ZBTB7C: variants seen among roughly 807,000 people sequenced by gnomAD.
ZBTB7C encodes the protein zinc finger and BTB domain containing 7C, also known as zinc finger and BTB domain-containing protein 7C.
ZBTB7C carries 8 observed loss-of-function variants against 25.7 expected under a neutral mutation model. The observed-to-expected ratio is 0.31, with a 90% CI of 0.18 to 0.56. The LOEUF (loss-of-function observed/expected upper bound fraction) is 0.56. Ranked by LOEUF, ZBTB7C falls within the 20% of genes least tolerant of loss-of-function variation. ZBTB7C has a pLI of 0.91. For synonymous variants in ZBTB7C, 394 were observed against 369.0 expected, an observed-to-expected ratio of 1.07 and a Z score of -0.78; for missense variants, 824 against 855.2, an observed-to-expected ratio of 0.96 and a Z score of 0.46.
intron 1 of ZBTB7C, among the ~76,000 whole-genome samples, chr18:48,339,796 C>A (rs1008707539): frequency 1.3e-5 from 2 of 152,114 alleles, no homozygotes; most frequent in African/African-American, 4.8e-5. Flanking sequence ...ACAGAGATAA[C>A]AGAGTGATAA....
At chr18:48,274,456 T>C (rs1007036836) in intron 2 of ZBTB7C, among the ~76,000 whole-genome samples, 2 of 152,198 alleles carry the variant, frequency 1.3e-5, no homozygotes, top group Non-Finnish European at 2.9e-5. Flanking sequence ...GCTGCTGGTT[T>C]CTGCCATCTC....
intron 1 of ZBTB7C, among the ~76,000 whole-genome samples, chr18:48,340,322 A>T (rs2046568904): frequency 6.6e-6 from 1 of 152,228 alleles, no homozygotes; most frequent in Admixed American, 6.5e-5. Flanking sequence ...GCAGGAAAAT[A>T]ACTTCAAACC....
At chr18:48,095,927 C>T (rs1438934983) in intron 3 of ZBTB7C, among the ~76,000 whole-genome samples, 1 of 152,030 alleles carries the variant, frequency 6.6e-6, no homozygotes, top group Non-Finnish European at 1.5e-5. Flanking sequence ...AACCCAGTAA[C>T]GTATGGGAAG....
At chr18:48,262,273 T>A (rs956830247) in intron 2 of ZBTB7C, among the ~76,000 whole-genome samples, 27 of 152,166 alleles carry the variant, frequency 1.8e-4, no homozygotes, top group African/African-American at 6.5e-4. Flanking sequence ...TAGCACTTCA[T>A]GCTTCCAGCC....
intron 3 of ZBTB7C, chr18:48,083,886 G>A: frequency 1.0e-6 from 1 of 985,408 alleles, no homozygotes; most frequent in Non-Finnish European, 1.2e-6. Flanking sequence ...GAAAGGAAGA[G>A]CTTCAGTGGA....
chr18:48,028,071 A>G lies in ZBTB7C; in HGVS notation c.*1189T>C, dbSNP rs929545639. The stretch of plus-strand genomic sequence containing the variant: ...GGGTTCTCACACAGCAAAGGGGACC[A>G]TCACTAGCAATGCCAAGGCCCTGAG... On this transcript the variant is annotated 3_prime_UTR_variant, in exon 5 of 5. Transcript: ENST00000590800. 6.6e-6 allele frequency: 1 copy of G among 152,274 alleles called. No homozygotes were observed. Among genetic ancestry groups the G allele is most frequent in the Admixed American group, 6.5e-5 (1 of 15,290 alleles). 9.4% of individuals were successfully genotyped at this position (152,274 alleles called of 1,614,324 possible). A position where few individuals can be genotyped will look rare whatever the true frequency, so the allele number is the denominator to read the frequency against.
intron 1 of ZBTB7C, among the ~76,000 whole-genome samples, chr18:48,394,389 C>T (rs1439900556): frequency 1.3e-5 from 2 of 152,130 alleles, no homozygotes; most frequent in African/African-American, 4.8e-5. Context: ...TCATTCACAG[C>T]GCTCAGCTAA....
intron 3 of ZBTB7C, among the ~76,000 whole-genome samples, chr18:48,125,008 C>G (rs2039754609): frequency 6.6e-6 from 1 of 152,164 alleles, no homozygotes; most frequent in Non-Finnish European, 1.5e-5. Context: ...CGGTCACAGG[C>G]AGAATGCAGG....
intron 3 of ZBTB7C, among the ~76,000 whole-genome samples, chr18:48,173,884 C>T (rs900607941): frequency 5.9e-5 from 9 of 152,180 alleles, no homozygotes; most frequent in Non-Finnish European, 1.2e-4. Flanking sequence ...ACAGGGCAGA[C>T]ACCACTTGTC....
chr18:48,210,866 A>G (rs1346353287), intron 2 of ZBTB7C, among the ~76,000 whole-genome samples: 1 of 152,178 alleles, frequency 6.6e-6, no homozygotes, highest in East Asian at 1.9e-4. Flanking sequence ...GTTTTTACGG[A>G]GAGACAAATG....
intron 1 of ZBTB7C, among the ~76,000 whole-genome samples, chr18:48,395,090 C>A (rs747272604): frequency 6.6e-6 from 1 of 151,740 alleles, no homozygotes; most frequent in African/African-American, 2.4e-5. Context: ...GGGAAGAGTG[C>A]CTGCTGATTC....
At chr18:48,181,753 C>T (rs1316914411) in intron 3 of ZBTB7C, among the ~76,000 whole-genome samples, 1 of 152,200 alleles carries the variant, frequency 6.6e-6, no homozygotes, top group East Asian at 1.9e-4. Flanking sequence ...AGTGGGGTTG[C>T]AGGTTCCAGA....
At position 48,029,462 on chromosome 18, in the gene ZBTB7C, T is replaced by C; in HGVS notation, c.1658A>G (p.Glu553Gly). 1 of 1,597,492 alleles carries C rather than the reference T, an allele frequency of 6.3e-7. No homozygotes were observed. Among genetic ancestry groups the C allele is most frequent in the Non-Finnish European group, 8.5e-7 (1 of 1,175,474 alleles). Residue 553 changes from glutamate to glycine, a missense_variant, in exon 5 of 5, where the codon GAG becomes GGG. Coordinates refer to ENST00000590800, the MANE Select transcript of ZBTB7C (RefSeq NM_001318841.2). The stretch of plus-strand genomic sequence containing the variant: ...GCGCCCGAACAGCTTCATCTGTGTC[T>C]CCTCGAACTGCCGCTCCAGCTCTTG... Reference protein sequence around the residue: ...SLQELERQFEETQMKLFGRAQ... With the variant: ...SLQELERQFEGTQMKLFGRAQ...
intron 3 of ZBTB7C, chr18:48,088,464 C>CA (rs1350447843): frequency 1.6e-4 from 25 of 152,176 alleles, no homozygotes; most frequent in African/African-American, 5.1e-4. Flanking sequence ...AACAAAGGAA[C>CA]AAAAAAATGA....
At chr18:48,123,600 T>C (rs555248567) in intron 3 of ZBTB7C, among the ~76,000 whole-genome samples, 1 of 152,338 alleles carries the variant, frequency 6.6e-6, no homozygotes, top group East Asian at 1.9e-4. Context: ...GTTGATCCCC[T>C]GAACACTCCT....
intron 3 of ZBTB7C, among the ~76,000 whole-genome samples, chr18:48,120,400 C>A (rs560561100): frequency 2.6e-5 from 4 of 151,878 alleles, no homozygotes. Context: ...CTGAGGCGGG[C>A]GGATCACTTG....
Position 48,116,869 on chromosome 18 carries a change from T to C in ZBTB7C, c.-17+69065A>G, listed in dbSNP as rs2039458127. Among the ~76,000 whole-genome samples, 4 of 152,308 alleles carry C rather than the reference T, an allele frequency of 2.6e-5. No homozygotes were observed. In the South Asian group the frequency reaches 8.3e-4, roughly 32 times the overall value. Reference sequence around the variant, plus strand: ...CATTAGGCAGGCCAACTAGTTCTCCTGTCACGCTATGAGTATAGGTCTGCC... The same window carrying C: ...CATTAGGCAGGCCAACTAGTTCTCCCGTCACGCTATGAGTATAGGTCTGCC... On this transcript the variant is annotated intron_variant, in intron 3 of 4. Coordinates refer to ENST00000590800, the MANE Select transcript of ZBTB7C (RefSeq NM_001318841.2).
intron 3 of ZBTB7C, among the ~76,000 whole-genome samples, chr18:48,121,399 CTTTTT>C (rs11322551): frequency 1.3e-5 from 2 of 148,816 alleles, no homozygotes; most frequent in African/African-American, 4.9e-5. Flanking sequence ...GCTTAATACT[CTTTTT>C]TTTTTTTTTA....
intron 2 of ZBTB7C, among the ~76,000 whole-genome samples, chr18:48,320,693 C>T (rs1319730629): frequency 2.0e-5 from 3 of 152,262 alleles, no homozygotes. Flanking sequence ...GTGGGCACTT[C>T]CTGTCTCCTT....
Sources: allele counts gnomAD v4.1 joint callset (sites outside exome capture counted in the v4.1 genomes callset), GRCh38; gene constraint gnomAD v4.1.1; transcripts MANE v1.5; gene names NCBI Gene and HGNC (gene_info 2026-07-23, HGNC 2026-07-21).